Variants in PIK3CA observed in about 807,000 individuals in gnomAD.
PIK3CA encodes phosphatidylinositol-4,5-bisphosphate 3-kinase catalytic subunit alpha.
PIK3CA carries 27 observed loss-of-function variants against 138.2 expected under a neutral mutation model. The ratio of observed to expected loss-of-function variants is 0.20; its 90% CI spans 0.14 to 0.27. The LOEUF is 0.27. Ranked by LOEUF, PIK3CA falls within the 10% of genes least tolerant of loss-of-function variation. The pLI is 1.00. For synonymous variants in PIK3CA, 358 were observed against 413.2 expected (o/e 0.87, Z 1.62); for missense variants, 544 against 1,277.4 (o/e 0.43, Z 8.75).
intron 7 of PIK3CA, among the ~76,000 whole-genome samples, 161 bp downstream of exon 7, chr3:179,209,861 G>C (rs1292432122): frequency 6.6e-6 from 1 of 151,916 alleles, no homozygotes; most frequent in Non-Finnish European, 1.5e-5. Flanking sequence ...GAATACCTTG[G>C]GAGAGCTTCA....
At chr3:179,229,572 A>G in intron 18 of PIK3CA, 130 bp downstream of exon 18, 1 of 584,456 alleles carries the variant, frequency 1.7e-6, no homozygotes, top group Admixed American at 3.7e-5. Flanking sequence ...AATATGCTCA[A>G]CCTTTGAAAT....
rs1282428988 is a variant in PIK3CA at position 179,235,418 on chromosome 3, G to A, written c.*1054G>A. 1 of 186,922 alleles carries A rather than the reference G, an allele frequency of 5.3e-6. No homozygotes were observed. The highest frequency in any genetic ancestry group is 1.1e-5 in the Non-Finnish European group (1 of 88,668). The allele number at this position is 186,922 out of a possible 1,614,324, so 11.6% of individuals were successfully genotyped here. ...ATTTTTTATTGTTCATAGCAGCATG[G>A]TCAGCTTTCTTCTTGATCTATAGAT... On this transcript the variant is annotated 3_prime_UTR_variant, in exon 21 of 21. Coordinates refer to ENST00000263967, the MANE Select transcript of PIK3CA (RefSeq NM_006218.4).
chr3:179,186,259 G>T (rs959087480), intron 1 of PIK3CA, among the ~76,000 whole-genome samples: 2 of 152,164 alleles, frequency 1.3e-5, no homozygotes, highest in African/African-American at 4.8e-5. Context: ...TGTTAATCTA[G>T]ATATTCTTAA....
rs1027576710 is a variant in PIK3CA at position 179,220,325 on chromosome 3, G to A, written c.2015+273G>A. On this transcript the variant is annotated intron_variant, in intron 13 of 20. Coordinates refer to ENST00000263967, the MANE Select transcript of PIK3CA (RefSeq NM_006218.4). This position sits in a 1 kb window ranked among gnomAD's most constrained non-coding sequence, Gnocchi z 4.1. ...ACTTAAGTCAAATTTTCTAGGTCCA[G>A]ATGAATATTGCTGTAGGTTTCACTG... 1.3e-5 allele frequency among the ~76,000 whole-genome samples: 2 copies of A among 152,066 alleles called. No homozygotes were observed. Among genetic ancestry groups the A allele is most frequent in the African/African-American group, 4.8e-5 (2 of 41,414 alleles).
intron 7 of PIK3CA, among the ~76,000 whole-genome samples, chr3:179,209,910 C>G (rs899559151): frequency 3.9e-5 from 6 of 151,960 alleles, no homozygotes; most frequent in African/African-American, 1.2e-4. Flanking sequence ...CTTATTGATA[C>G]CATTTTTAAA....
At chr3:179,212,255 G>A (rs930318054) in intron 9 of PIK3CA, among the ~76,000 whole-genome samples, 1 of 149,716 alleles carries the variant, frequency 6.7e-6, no homozygotes, top group African/African-American at 2.4e-5. Flanking sequence ...TGATCCACCC[G>A]CCTCGGCCTC....
chr3:179,225,987 T>C lies in PIK3CA; in HGVS notation c.2442T>C (p.Leu814=). 1 of 1,596,760 alleles carries C rather than the reference T, an allele frequency of 6.3e-7. No homozygotes were observed. The highest frequency in any genetic ancestry group is 8.6e-7 in the Non-Finnish European group (1 of 1,165,514). The change falls in exon 17 of 21, where the codon CTT becomes CTC. Residue 814 remains leucine, a synonymous_variant. Coordinates refer to ENST00000263967, the MANE Select transcript of PIK3CA (RefSeq NM_006218.4). ...GDDLRQDMLT[L]QIIRIMENIW... The stretch of plus-strand genomic sequence containing the variant: ...ATTTACGGCAAGATATGCTAACACT[T>C]CAAATTATTCGTATTATGGAAAATA...
chr3:179,212,611 CAAAA>C (rs1254007995), intron 9 of PIK3CA, among the ~76,000 whole-genome samples: 1 of 151,598 alleles, frequency 6.6e-6, no homozygotes, highest in East Asian at 2.0e-4. Context: ...CTCAAAAAAA[CAAAA>C]AACAAGAGAG....
At position 179,218,314 on chromosome 3, in the gene PIK3CA, A is replaced by G. The variant is rs2108408420; in HGVS notation, c.1644A>G (p.Lys548=). 4.3e-6 allele frequency: 7 copies of G among 1,610,726 alleles called. No individual in the cohort carries two copies. Among genetic ancestry groups the G allele is most frequent in the African/African-American group, 1.3e-5 (1 of 74,912 alleles). Residue 548 remains lysine, a synonymous_variant, in exon 10 of 21, where the codon AAA becomes AAG. Coordinates refer to ENST00000263967, the MANE Select transcript of PIK3CA (RefSeq NM_006218.4). The part of the protein sequence containing the change: ...DPLSEITEQE[K]DFLWSHRHYC... ...TCTCTGAAATCACTGAGCAGGAGAAAGATTTTCTATGGAGTCACAGGTAAG... is the reference window on the plus strand; with the variant it reads ...TCTCTGAAATCACTGAGCAGGAGAAGGATTTTCTATGGAGTCACAGGTAAG...
At chr3:179,213,756 ACTTCT>A (rs756633452) in intron 9 of PIK3CA, among the ~76,000 whole-genome samples, 32 of 152,316 alleles carry the variant, frequency 2.1e-4, no homozygotes, top group Non-Finnish European at 3.4e-4. Context: ...CCAGGCATTA[ACTTCT>A]CTTCTCTAGC....
chr3:179,189,893 G>T (rs1724084330), intron 1 of PIK3CA, among the ~76,000 whole-genome samples: 1 of 152,164 alleles, frequency 6.6e-6, no homozygotes, highest in African/African-American at 2.4e-5. Flanking sequence ...GTCAGTGAAG[G>T]ACGGCACTTT....
intron 1 of PIK3CA, among the ~76,000 whole-genome samples, chr3:179,185,957 G>A (rs979500562): frequency 2.7e-4 from 41 of 152,274 alleles, no homozygotes; most frequent in African/African-American, 9.1e-4. Flanking sequence ...TTGGCCATTG[G>A]TGATCAGCTT....
At chr3:179,178,515 T>C (rs922162673) in intron 1 of PIK3CA, among the ~76,000 whole-genome samples, 4 of 152,190 alleles carry the variant, frequency 2.6e-5, no homozygotes, top group African/African-American at 7.2e-5. Context: ...CTGATACTAC[T>C]GAATAGTTAT....
chr3:179,189,015 C>T (rs1452576877), intron 1 of PIK3CA, among the ~76,000 whole-genome samples: 1 of 152,040 alleles, frequency 6.6e-6, no homozygotes, highest in Non-Finnish European at 1.5e-5. Context: ...AGTTCAAGAC[C>T]AGCCTGGCCA....
chr3:179,152,144 G>C (rs201222315), intron 1 of PIK3CA, among the ~76,000 whole-genome samples: 1 of 151,978 alleles, frequency 6.6e-6, no homozygotes, highest in East Asian at 1.9e-4. Context: ...TAATATTTTT[G>C]GTCACTAAAA....
intron 1 of PIK3CA, among the ~76,000 whole-genome samples, chr3:179,150,013 G>T (rs1455127299): frequency 4.0e-5 from 6 of 149,786 alleles, no homozygotes; most frequent in Non-Finnish European, 7.4e-5. Context: ...TAAGTTTTTG[G>T]TGTTTTTTTT....
rs1724481364 is a variant in PIK3CA, at chr3:179,203,693, A to G, written c.963A>G (p.Glu321=). ...ISTATPYMNG[E]TSTKSLWVIN... Reference sequence around the variant, plus strand: ...CAGCTACACCATATATGAATGGAGAAACATCTACAAAATCCCTTTGGGTTA... The same window carrying G: ...CAGCTACACCATATATGAATGGAGAGACATCTACAAAATCCCTTTGGGTTA... Residue 321 remains glutamate (E), a synonymous_variant, in exon 5 of 21, where the codon GAA becomes GAG. Coordinates refer to ENST00000263967, the MANE Select transcript of PIK3CA (RefSeq NM_006218.4). 6.2e-7 allele frequency: 1 copy of G among 1,613,836 alleles called. No homozygotes were observed. Among genetic ancestry groups the G allele is most frequent in the Non-Finnish European group, 8.5e-7 (1 of 1,179,892 alleles).
intron 1 of PIK3CA, among the ~76,000 whole-genome samples, chr3:179,196,847 C>G (rs1255893725): frequency 1.3e-5 from 2 of 152,042 alleles, no homozygotes; most frequent in Non-Finnish European, 2.9e-5. Flanking sequence ...TTGCAGTGGT[C>G]CAGACAAGAA....
chr3:179,206,523 C>T lies in PIK3CA; in HGVS notation c.1145+1935C>T, dbSNP rs1463694105. 2.6e-5 allele frequency among the ~76,000 whole-genome samples: 4 copies of T among 152,228 alleles called. No individual in the cohort carries two copies. The East Asian group carries it at 7.7e-4, about 29-fold the overall frequency. ...TGGTAAAAACTATAAACCCGTCAAT[C>T]CAAGGAGTTCAACAAGCCCCAAGCA... On this transcript the variant is annotated intron_variant, in intron 6 of 20. Coordinates refer to ENST00000263967, the MANE Select transcript of PIK3CA (RefSeq NM_006218.4).
Sources: gnomAD v4.1 joint callset for allele counts (sites outside exome capture counted in the v4.1 genomes callset) on GRCh38, gnomAD v4.1.1 for gene constraint, Gnocchi (gnomAD v3.1) non-coding constraint, MANE v1.5 for transcripts, NCBI Gene and HGNC (gene_info 2026-07-23, HGNC 2026-07-21) for gene names.